The following TG variants were observed in gnomAD, a reference collection of about 807,000 sequenced individuals.
TG encodes the protein thyroglobulin, also known as thyroid hormones.
TG carries 270 observed loss-of-function variants against 324.7 expected under a neutral mutation model. The observed-to-expected ratio is 0.83, with a 90% CI of 0.75 to 0.92. TG has a LOEUF of 0.92. Among genes scored for constraint, TG ranks in the 40% least tolerant of loss-of-function variants. The probability of loss-of-function intolerance (pLI) is 0.00; values close to 1 mark genes in which losing one functional copy is unlikely to be tolerated. For synonymous variants in TG, 1,401 were observed against 1,327.0 expected, an observed-to-expected ratio of 1.06 and a Z score of -1.21; for missense variants, 3,591 against 3,456.4, an observed-to-expected ratio of 1.04 and a Z score of -0.98.
At chr8:132,977,380 T>A (rs1185606680) in intron 34 of TG, among the ~76,000 whole-genome samples, 1 of 152,164 alleles carries the variant, frequency 6.6e-6, no homozygotes, top group Non-Finnish European at 1.5e-5. Context: ...GATTTTGGCC[T>A]TGCTTCAAGT....
chr8:133,112,990 T>A (rs1299441610), intron 43 of TG, among the ~76,000 whole-genome samples: 2 of 152,148 alleles, frequency 1.3e-5, no homozygotes, highest in Non-Finnish European at 2.9e-5. Flanking sequence ...AGTCCATGAA[T>A]GAAACTGAAT....
chr8:132,913,069 T>C lies in TG; in HGVS notation c.4182T>C (p.Asp1394=). The change falls in exon 20 of 48, where the codon GAT becomes GAC. Residue 1394 remains aspartate (D), a synonymous_variant. Transcript: ENST00000220616. ...HDIERALVGK[D]LLGRFTDLIQ... ...CAGAGAGAGCCTTGGTGGGCAAGGA[T>C]CTCCTTGGGCGCTTCACAGATCTGA... The C allele has an allele frequency of 6.2e-7, 1 of 1,614,148 alleles. No homozygotes were observed.
chr8:132,958,678 G>A (rs2256782), intron 27 of TG, among the ~76,000 whole-genome samples: 114,203 of 149,866 alleles, frequency 0.76, 43,468 homozygotes, highest in African/African-American at 0.84. Flanking sequence ...AGATCGTGCT[G>A]CTGCACCAGG....
intron 10 of TG, among the ~76,000 whole-genome samples, chr8:132,890,835 G>A (rs1416267099): frequency 6.6e-6 from 1 of 152,208 alleles, no homozygotes; most frequent in Admixed American, 6.5e-5. Context: ...ACCCACACGG[G>A]TGATGGCTCA....
intron 26 of TG, among the ~76,000 whole-genome samples, chr8:132,948,186 C>CA (rs974203276): frequency 1.3e-5 from 2 of 151,480 alleles, no homozygotes; most frequent in East Asian, 1.9e-4. Flanking sequence ...CCGTCCCCCC[C>CA]CAAAAAAAGT....
chr8:133,095,198 C>A lies in TG; in HGVS notation c.7394C>A (p.Ala2465Asp). ...AAGCCTGCCAATGTCCTCAATGATGCCCAGACCAAGGTGAGCACTTAAGTG... is the reference window on the plus strand; with the variant it reads ...AAGCCTGCCAATGTCCTCAATGATGACCAGACCAAGGTGAGCACTTAAGTG... Reference protein sequence around the residue: ...RQKPANVLNDAQTKLLAVSGP... With the variant: ...RQKPANVLNDDQTKLLAVSGP... Residue 2465 changes from alanine (A) to aspartate (D), a missense_variant, in exon 42 of 48, where the codon GCC becomes GAC. Coordinates refer to ENST00000220616, the MANE Select transcript of TG (RefSeq NM_003235.5). 6.2e-7 allele frequency: 1 copy of A among 1,614,206 alleles called. No individual in the cohort carries two copies. Among genetic ancestry groups the A allele is most frequent in the Non-Finnish European group, 8.5e-7 (1 of 1,180,036 alleles).
chr8:132,944,280 T>A (rs1824898834), intron 26 of TG, among the ~76,000 whole-genome samples: 1 of 152,160 alleles, frequency 6.6e-6, no homozygotes, highest in South Asian at 2.1e-4. Flanking sequence ...GTATTATTAT[T>A]TTCTTGGCAC....
intron 22 of TG, among the ~76,000 whole-genome samples, chr8:132,926,025 T>C (rs1008905927): frequency 3.3e-5 from 5 of 152,214 alleles, no homozygotes; most frequent in African/African-American, 1.2e-4. Context: ...GAGCTTAAGT[T>C]TCCCTTTCTG....
At chr8:132,925,374 T>C (rs1348947954) in intron 22 of TG, among the ~76,000 whole-genome samples, 2 of 152,166 alleles carry the variant, frequency 1.3e-5, no homozygotes, top group Non-Finnish European at 2.9e-5. Context: ...TATGCATGCA[T>C]AGCCTACCTG....
At chr8:132,975,454 CA>C (rs1830064618) in intron 34 of TG, among the ~76,000 whole-genome samples, 1 of 152,168 alleles carries the variant, frequency 6.6e-6, no homozygotes, top group Non-Finnish European at 1.5e-5. Flanking sequence ...CATCTGACTG[CA>C]TAGATCATTA....
intron 45 of TG, among the ~76,000 whole-genome samples, chr8:133,121,817 C>G (rs1342800233): frequency 6.6e-6 from 1 of 152,108 alleles, no homozygotes; most frequent in African/African-American, 2.4e-5. Context: ...CTTGACAACC[C>G]CCTGTGTAGA....
chr8:132,950,709 G>A (rs1033954463), intron 27 of TG, among the ~76,000 whole-genome samples: 1 of 152,238 alleles, frequency 6.6e-6, no homozygotes, highest in South Asian at 2.1e-4. Context: ...CCTGGAGTAG[G>A]TGAATGAATG....
rs1312514400 is a variant in TG, at chr8:133,077,745, GTGTGTGTGTGTGTGTGTGTGTTTGTA to G, written c.7240-17286_7240-17261del. On this transcript the variant is annotated intron_variant, in intron 41 of 47. Coordinates refer to ENST00000220616, the MANE Select transcript of TG (RefSeq NM_003235.5). ...CATTCTCTGGTGTGTATGTGTGTGT[GTGTGTGTGTGTGTGTGTGTGTTTGTA>G]TGTGTGTGTGTGCGGCAGAGTTGCA... Among the ~76,000 whole-genome samples the G allele has an allele frequency of 1.3e-3, 203 of 151,886 alleles. 3 individuals are homozygous for G. The highest frequency in any genetic ancestry group is 4.2e-3 in the African/African-American group (173 of 41,418).
At chr8:132,932,037 T>A (rs1822793597) in intron 23 of TG, among the ~76,000 whole-genome samples, 1 of 152,164 alleles carries the variant, frequency 6.6e-6, no homozygotes, top group Admixed American at 6.6e-5. Context: ...GAGGTTGCAG[T>A]GAGCCAAGAT....
chr8:132,984,099 C>T (rs1831234909), intron 35 of TG, among the ~76,000 whole-genome samples: 1 of 152,202 alleles, frequency 6.6e-6, no homozygotes, highest in African/African-American at 2.4e-5. Context: ...TTTCTGCTTC[C>T]CTTTGTCAGG....
chr8:132,928,368 C>G lies in TG; in HGVS notation c.4700-708C>G, dbSNP rs146050111. Among the ~76,000 whole-genome samples, 181 of 152,324 alleles carry G rather than the reference C, an allele frequency of 1.2e-3. 1 individual carries two copies. The highest frequency in any genetic ancestry group is 4.2e-3 in the African/African-American group (175 of 41,580). ...CGTAAGACTGCAAGATATTGACACTCTTGGGAATTTGTGGCTTGGAAGGTG... is the reference window on the plus strand; with the variant it reads ...CGTAAGACTGCAAGATATTGACACTGTTGGGAATTTGTGGCTTGGAAGGTG... On this transcript the variant is annotated intron_variant, in intron 22 of 47. Transcript: ENST00000220616.
intron 14 of TG, among the ~76,000 whole-genome samples, chr8:132,899,208 A>G (rs1817567089): frequency 6.6e-6 from 1 of 152,242 alleles, no homozygotes; most frequent in South Asian, 2.1e-4. Context: ...TGAAAAATAA[A>G]CAAAACATGC....
intron 23 of TG, among the ~76,000 whole-genome samples, chr8:132,931,409 G>A (rs938352113): frequency 6.6e-6 from 1 of 151,922 alleles, no homozygotes; most frequent in Non-Finnish European, 1.5e-5. Flanking sequence ...ACGGTAGATC[G>A]AAGGGCCATT....
rs1843297808 is a variant in TG, at chr8:133,067,888, ATGTATG to A, written c.7240-27155_7240-27150del. 1.9e-3 allele frequency among the ~76,000 whole-genome samples: 5 copies of A among 2,694 alleles called. No individual in the cohort carries two copies. In the South Asian group the frequency reaches 0.036, roughly 20 times the overall value. 1.8% of individuals were successfully genotyped at this position (2,694 alleles called of 152,430 possible). ...AAAGAAAGGAAGGAAGGAAGGAAGTATGTATGGAAGGAAGGAAGGAAGGAAGGAAAG... is the reference window on the plus strand; with the variant it reads ...AAAGAAAGGAAGGAAGGAAGGAAGTAGAAGGAAGGAAGGAAGGAAGGAAAG... On this transcript the variant is annotated intron_variant, in intron 41 of 47. Coordinates refer to ENST00000220616, the MANE Select transcript of TG (RefSeq NM_003235.5).
Sources: allele counts gnomAD v4.1 joint callset (sites outside exome capture counted in the v4.1 genomes callset), GRCh38; gene constraint gnomAD v4.1.1; transcripts MANE v1.5; gene names NCBI Gene and HGNC (gene_info 2026-07-23, HGNC 2026-07-21).